Variants in METTL15 observed in about 807,000 individuals in gnomAD.
The protein encoded by METTL15 is 12S rRNA N(4)-cytidine methyltransferase METTL15.
METTL15 carries 34 observed loss-of-function variants against 38.3 expected under a neutral mutation model. That is an observed-to-expected ratio of 0.89 (90% CI 0.68 to 1.18). METTL15 has a LOEUF of 1.18. Among genes scored for constraint, METTL15 ranks in the 50% most tolerant of loss-of-function variants. The probability of loss-of-function intolerance (pLI) is 0.00; values close to 1 mark genes in which losing one functional copy is unlikely to be tolerated. For synonymous variants in METTL15, 162 were observed against 170.9 expected (o/e 0.95, Z 0.41); for missense variants, 438 against 498.4 (o/e 0.88, Z 1.15).
At position 28,162,747 on chromosome 11, in the gene METTL15, AAAAT is replaced by A. The variant is rs1850511880; in HGVS notation, c.271-48310_271-48307del. Among the ~76,000 whole-genome samples, 7 of 152,262 alleles carry A rather than the reference AAAAT, an allele frequency of 4.6e-5. No homozygotes were observed. The South Asian group carries it at 1.5e-3, about 32-fold the overall frequency. ...CCTATTTTGTAGTAGACAAATAGGT[AAAAT>A]AAATTATTTTGTAATAATATAATAA... On this transcript the variant is annotated intron_variant, in intron 3 of 6. Transcript: ENST00000407364.
In METTL15 at chr11:28,163,065, A is replaced by G. The variant is rs538455503; in HGVS notation, c.271-47997A>G. ...ATCTAATTTTGGATTTGTTTGGGGC[A>G]ATAGAATTTGTTGAAAATACCAAAT... On this transcript the variant is annotated intron_variant, in intron 3 of 6. Transcript: ENST00000407364. Among the ~76,000 whole-genome samples the G allele has an allele frequency of 1.1e-4, 16 of 152,214 alleles. No homozygotes were observed. The South Asian group carries it at 2.9e-3, about 28-fold the overall frequency.
rs768811395 is a variant in METTL15, at chr11:28,296,887, T to G, written c.734T>G (p.Ile245Ser). The G allele has an allele frequency of 6.2e-6, 10 of 1,613,450 alleles. No individual in the cohort carries two copies. Among genetic ancestry groups the G allele is most frequent in the Middle Eastern group, 3.3e-4 (2 of 6,078 alleles). The change falls in exon 6 of 7, where the codon ATC (isoleucine) becomes AGC (serine). Residue 245 changes from isoleucine (I) to serine (S), a missense_variant. Transcript: ENST00000407364. ...TCAGCAATTGTTCAGGCACGCAGCA[T>G]CTACCCCATCACCAGAACCCAGCAG... is the stretch of plus-strand genomic sequence containing the variant. ...IASAIVQARS[I>S]YPITRTQQLA...
intron 6 of METTL15, among the ~76,000 whole-genome samples, chr11:28,504,770 A>G (rs933453724): frequency 1.6e-4 from 25 of 152,230 alleles, no homozygotes; most frequent in African/African-American, 5.8e-4. Flanking sequence ...GCATGGTTGT[A>G]TGCACACATT....
At chr11:28,446,272 A>C (rs1342186274) in intron 6 of METTL15, among the ~76,000 whole-genome samples, 1 of 152,088 alleles carries the variant, frequency 6.6e-6, no homozygotes, top group Non-Finnish European at 1.5e-5. Context: ...CTTCAGCAGA[A>C]ATGCACATTT....
In METTL15 at chr11:28,173,542, A is replaced by T. The variant is rs547701869; in HGVS notation, c.271-37520A>T. On this transcript the variant is annotated intron_variant, in intron 3 of 6. Transcript: ENST00000407364. Reference sequence around the variant, plus strand: ...TATAGCAACCCAAGAGTACTAAGACATGATATAACCTATACTCATTTTCTG... The same window carrying T: ...TATAGCAACCCAAGAGTACTAAGACTTGATATAACCTATACTCATTTTCTG... 1.4e-4 allele frequency among the ~76,000 whole-genome samples: 22 copies of T among 152,324 alleles called. No homozygotes were observed. The East Asian group carries it at 1.7e-3, about 12-fold the overall frequency.
intron 4 of METTL15, among the ~76,000 whole-genome samples, chr11:28,356,149 A>G (rs1850088185): frequency 6.6e-6 from 1 of 152,154 alleles, no homozygotes; most frequent in African/African-American, 2.4e-5. Flanking sequence ...CTGGCCTTCT[A>G]CCTAAAGTTG....
At chr11:28,137,749 A>G (rs1303546037) in intron 3 of METTL15, among the ~76,000 whole-genome samples, 1 of 152,100 alleles carries the variant, frequency 6.6e-6, no homozygotes, top group Non-Finnish European at 1.5e-5. Context: ...TATTTCTCAA[A>G]GATTAAAGTC....
intron 2 of METTL15, among the ~76,000 whole-genome samples, chr11:28,110,754 G>C (rs1851684621): frequency 6.6e-6 from 1 of 152,168 alleles, no homozygotes; most frequent in Non-Finnish European, 1.5e-5. Flanking sequence ...AATTGTTAGA[G>C]CCCTTGAGGG....
intron 5 of METTL15, among the ~76,000 whole-genome samples, chr11:28,368,152 C>CAAAAAAAAAAAAAAAAAAAAAAAACA (rs572862749): frequency 4.6e-5 from 5 of 108,702 alleles, no homozygotes; most frequent in South Asian, 2.9e-4. Context: ...ACAAAAAAAA[C>CAAAAAAAAAAAAAAAAAAAAAAAACA]AAAAAAAAAA....
At chr11:28,363,845 G>T (rs1850162722) in intron 5 of METTL15, among the ~76,000 whole-genome samples, 2 of 152,118 alleles carry the variant, frequency 1.3e-5, no homozygotes, top group East Asian at 3.8e-4. Context: ...AATCCATTTT[G>T]AGTTAATTTT....
intron 3 of METTL15, among the ~76,000 whole-genome samples, chr11:28,194,627 T>C (rs1479172486): frequency 6.6e-6 from 1 of 152,054 alleles, no homozygotes; most frequent in Non-Finnish European, 1.5e-5. Context: ...TATATCTTTG[T>C]TGAAAAAGAA....
At chr11:28,421,362 A>T (rs1324233492) in intron 5 of METTL15, among the ~76,000 whole-genome samples, 1 of 152,084 alleles carries the variant, frequency 6.6e-6, no homozygotes, top group Non-Finnish European at 1.5e-5. Flanking sequence ...AACTCATTCT[A>T]TGAGGCCAGT....
chr11:28,497,886 T>G (rs1021253802), intron 6 of METTL15, among the ~76,000 whole-genome samples: 11 of 152,142 alleles, frequency 7.2e-5, no homozygotes, highest in African/African-American at 2.6e-4. Context: ...AAATCCCATC[T>G]CTACTAAAAA....
chr11:28,133,981 G>A (rs1247797859), intron 3 of METTL15, among the ~76,000 whole-genome samples: 1 of 152,148 alleles, frequency 6.6e-6, no homozygotes, highest in Non-Finnish European at 1.5e-5. Flanking sequence ...TAAAGGAAAG[G>A]TATGCATTAC....
chr11:28,288,220 G>A (rs577434704), intron 4 of METTL15, among the ~76,000 whole-genome samples: 1 of 152,264 alleles, frequency 6.6e-6, no homozygotes, highest in Admixed American at 6.5e-5. Flanking sequence ...TAGTGGAAGT[G>A]TAAATTAGCT....
In METTL15 at chr11:28,355,341, A is replaced by T. The variant is rs1010850909; in HGVS notation, c.*258+3183A>T. Among the ~76,000 whole-genome samples, 4 of 152,170 alleles carry T rather than the reference A, an allele frequency of 2.6e-5. No homozygotes were observed. The South Asian group carries it at 8.3e-4, about 31-fold the overall frequency. On this transcript the variant is annotated intron_variant and NMD_transcript_variant, in intron 4 of 7. Coordinates refer to the METTL15 transcript ENST00000532947. ...CCCAATCAATCCAAGAGCCTGGGGG[A>T]AAAATTTTATTTAAAGTATGTCAAT...
intron 4 of METTL15, among the ~76,000 whole-genome samples, chr11:28,360,019 C>A (rs532202872): frequency 6.6e-6 from 1 of 152,048 alleles, no homozygotes; most frequent in Non-Finnish European, 1.5e-5. Context: ...GAAGCCCAAC[C>A]CCTCAGGAGA....
At chr11:28,421,750 A>C (rs1181344087) in intron 5 of METTL15, among the ~76,000 whole-genome samples, 1 of 152,004 alleles carries the variant, frequency 6.6e-6, no homozygotes, top group African/African-American at 2.4e-5. Context: ...TGGGAAAAAA[A>C]CAGAAACCCT....
chr11:28,265,731 C>G (rs552775771), intron 4 of METTL15, among the ~76,000 whole-genome samples: 16 of 152,254 alleles, frequency 1.1e-4, no homozygotes, highest in African/African-American at 3.4e-4. Flanking sequence ...CAAATCTTTT[C>G]TCTTGAACTC....
Sources: gnomAD v4.1 joint callset for allele counts (sites outside exome capture counted in the v4.1 genomes callset) on GRCh38, gnomAD v4.1.1 for gene constraint, MANE v1.5 for transcripts, NCBI Gene and HGNC (gene_info 2026-07-23, HGNC 2026-07-21) for gene names.